Variants in KIAA0825 observed in about 807,000 individuals in gnomAD.
The protein encoded by KIAA0825 is KIAA0825.
Under a neutral mutation model 147.6 loss-of-function variants are expected in KIAA0825, and 119 were observed. That is an observed-to-expected ratio of 0.81 (90% confidence interval 0.69 to 0.94). The LOEUF (loss-of-function observed/expected upper bound fraction) is 0.94, where lower values mean the gene tolerates loss of function less well. Ranked by LOEUF, KIAA0825 falls within the 40% of genes least tolerant of loss-of-function variation. KIAA0825 has a pLI of 0.00. For missense variants in KIAA0825, 1,381 were observed against 1,472.7 expected, an observed-to-expected ratio of 0.94 and a Z score of 1.02; for synonymous variants, 470 against 518.1, an observed-to-expected ratio of 0.91 and a Z score of 1.26.
intron 20 of KIAA0825, among the ~76,000 whole-genome samples, chr5:94,334,133 T>A (rs1336755942): frequency 6.6e-6 from 1 of 152,132 alleles, no homozygotes; most frequent in East Asian, 1.9e-4. Context: ...TACAAAAAAA[T>A]TACGATTAAT....
At chr5:94,262,315 T>C (rs1259233611) in intron 20 of KIAA0825, among the ~76,000 whole-genome samples, 1 of 152,068 alleles carries the variant, frequency 6.6e-6, no homozygotes, top group East Asian at 1.9e-4. Flanking sequence ...TCATATACTA[T>C]TGATGGGTAT....
At chr5:94,417,160 T>C in intron 15 of KIAA0825, 41 bp downstream of exon 15, 1 of 1,507,982 alleles carries the variant, frequency 6.6e-7, no homozygotes, top group South Asian at 1.2e-5. Context: ...CATATAAGTA[T>C]CTATAGAACA....
At chr5:94,534,034 A>G (rs1459284611) in intron 3 of KIAA0825, among the ~76,000 whole-genome samples, 1 of 152,232 alleles carries the variant, frequency 6.6e-6, no homozygotes, top group African/African-American at 2.4e-5. Flanking sequence ...GGTCACTGCT[A>G]CTTTAAAAAT....
rs567132587 is a variant in KIAA0825 at position 94,552,849 on chromosome 5, G to GT, written c.-1-15723dup. On this transcript the variant is annotated intron_variant, in intron 2 of 20. Transcript: ENST00000682413. ...CATAGAAGTGAAGAGTAGAACAGAG[G>GT]TTAGTAGAAGCTGAGAAAGGTAAGG... is the stretch of plus-strand genomic sequence containing the variant. Among the ~76,000 whole-genome samples the GT allele has an allele frequency of 2.2e-3, 341 of 152,282 alleles. 3 individuals are homozygous for GT. The highest frequency in any genetic ancestry group is 7.5e-3 in the African/African-American group (310 of 41,556).
At chr5:94,611,000 T>A (rs1170970953) in intron 1 of KIAA0825, among the ~76,000 whole-genome samples, 1 of 152,112 alleles carries the variant, frequency 6.6e-6, no homozygotes, top group African/African-American at 2.4e-5. Flanking sequence ...TGGTGTGGCA[T>A]GACTGCTAGT....
At chr5:94,219,667 A>G (rs895819174) in intron 20 of KIAA0825, among the ~76,000 whole-genome samples, 3 of 152,202 alleles carry the variant, frequency 2.0e-5, no homozygotes, top group African/African-American at 7.2e-5. Context: ...CTGCACAGCA[A>G]GTTACTGTAT....
intron 17 of KIAA0825, 39 bp from the exon 18 acceptor site, chr5:94,391,733 A>C (rs114483743): frequency 7.0e-7 from 1 of 1,428,584 alleles, no homozygotes; most frequent in Non-Finnish European, 9.4e-7. Flanking sequence ...AGTAGTGAAG[A>C]ATTGTAAAGA....
At chr5:94,293,575 A>G (rs1437979266) in intron 20 of KIAA0825, among the ~76,000 whole-genome samples, 3 of 152,198 alleles carry the variant, frequency 2.0e-5, no homozygotes, top group Non-Finnish European at 4.4e-5. Context: ...TGCTGAGAAG[A>G]ATATATATTC....
intron 15 of KIAA0825, chr5:94,414,909 T>C (rs1352424340): frequency 6.6e-6 from 1 of 152,196 alleles, no homozygotes; most frequent in Non-Finnish European, 1.5e-5. Flanking sequence ...TTGCTCCTTA[T>C]GAGAATCTAA....
chr5:94,540,582 T>G (rs980420431), intron 2 of KIAA0825, among the ~76,000 whole-genome samples: 3 of 152,362 alleles, frequency 2.0e-5, no homozygotes, highest in Admixed American at 2.0e-4. Context: ...TGTTTATATG[T>G]GAAAGAGCTT....
At chr5:94,329,909 A>G (rs1423409492) in intron 20 of KIAA0825, among the ~76,000 whole-genome samples, 3 of 151,816 alleles carry the variant, frequency 2.0e-5, no homozygotes, top group African/African-American at 7.3e-5. Flanking sequence ...GAGTAGAAAG[A>G]TAGATAACAG....
rs867818118 is a variant in KIAA0825 at position 94,356,725 on chromosome 5, C to T, written c.3710+27643G>A. The stretch of plus-strand genomic sequence containing the variant: ...TCAAACTTAAGGTTTAACTTGATTT[C>T]TTTTTTTTTTTTTTTTTGAGACGGA... On this transcript the variant is annotated intron_variant, in intron 20 of 20. Coordinates refer to ENST00000682413, the MANE Select transcript of KIAA0825 (RefSeq NM_001145678.3). 3.6e-3 allele frequency among the ~76,000 whole-genome samples: 416 copies of T among 116,584 alleles called. 2 individuals carry two copies. Among genetic ancestry groups the T allele is most frequent in the Middle Eastern group, 0.011 (2 of 176 alleles). The allele number at this position is 116,584 out of a possible 152,430, so 76.5% of individuals were successfully genotyped here.
chr5:94,427,163 G>A (rs915159584), intron 14 of KIAA0825, among the ~76,000 whole-genome samples: 2 of 152,168 alleles, frequency 1.3e-5, no homozygotes, highest in Non-Finnish European at 2.9e-5. Flanking sequence ...GAAACCATAT[G>A]TAAGTATAAG....
At chr5:94,280,504 C>T (rs1368113193) in intron 20 of KIAA0825, among the ~76,000 whole-genome samples, 1 of 151,998 alleles carries the variant, frequency 6.6e-6, no homozygotes, top group Non-Finnish European at 1.5e-5. Context: ...AAAACCCAAC[C>T]AGAACCATTG....
chr5:94,167,758 A>C (rs1768186623), intron 20 of KIAA0825, among the ~76,000 whole-genome samples: 1 of 152,050 alleles, frequency 6.6e-6, no homozygotes, highest in Non-Finnish European at 1.5e-5. Flanking sequence ...TTCTTTTTTA[A>C]TATTACAGAG....
At chr5:94,196,249 C>T (rs1296463204) in intron 20 of KIAA0825, among the ~76,000 whole-genome samples, 5 of 152,148 alleles carry the variant, frequency 3.3e-5, no homozygotes, top group Admixed American at 6.6e-5. Flanking sequence ...CCTGTATCAG[C>T]TCTACTCCCC....
intron 2 of KIAA0825, among the ~76,000 whole-genome samples, chr5:94,558,091 G>A (rs2152281516): frequency 6.6e-6 from 1 of 152,184 alleles, no homozygotes; most frequent in South Asian, 2.1e-4. Context: ...TTCGTTCCAC[G>A]GTTCTCTTCT....
At chr5:94,361,670 T>C (rs1055864470) in intron 20 of KIAA0825, among the ~76,000 whole-genome samples, 1 of 152,200 alleles carries the variant, frequency 6.6e-6, no homozygotes, top group African/African-American at 2.4e-5. Context: ...CATCTATATG[T>C]ACATACTCTT....
chr5:94,301,976 C>T (rs1778430926), intron 20 of KIAA0825, among the ~76,000 whole-genome samples: 1 of 152,092 alleles, frequency 6.6e-6, no homozygotes, highest in Non-Finnish European at 1.5e-5. Context: ...GAAGCCATAA[C>T]TCTGAAAACT....
Sources: gnomAD v4.1 joint callset for allele counts (sites outside exome capture counted in the v4.1 genomes callset) on GRCh38, gnomAD v4.1.1 for gene constraint, MANE v1.5 for transcripts, NCBI Gene and HGNC (gene_info 2026-07-23, HGNC 2026-07-21) for gene names.